TIMM23: variants seen among roughly 807,000 people sequenced by gnomAD.
The protein encoded by TIMM23 is translocase of inner mitochondrial membrane 23.
TIMM23 carries 19 observed loss-of-function variants against 30.7 expected under a neutral mutation model. The ratio of observed to expected loss-of-function variants is 0.62; its 90% CI spans 0.43 to 0.91. The LOEUF (loss-of-function observed/expected upper bound fraction) is 0.91. Ranked by LOEUF, TIMM23 falls within the 40% of genes least tolerant of loss-of-function variation. The pLI is 0.00. For missense variants in TIMM23, 202 were observed against 269.2 expected (o/e 0.75, Z 1.75); for synonymous variants, 78 against 98.5 (o/e 0.79, Z 1.23).
chr10:45,999,831 C>G (rs1238928095), intron 6 of TIMM23, among the ~76,000 whole-genome samples: 1 of 152,056 alleles, frequency 6.6e-6, no homozygotes, highest in Non-Finnish European at 1.5e-5. Flanking sequence ...GTCTACAGAC[C>G]ATAAAAGATG....
intron 1 of TIMM23, among the ~76,000 whole-genome samples, chr10:45,973,362 A>C (rs4962274): frequency 1.3e-5 from 2 of 152,170 alleles, no homozygotes; most frequent in Non-Finnish European, 2.9e-5. Flanking sequence ...GTCTTGTGAA[A>C]ATGTTTTCCA....
chr10:45,993,724 A>T lies in TIMM23; in HGVS notation c.514+4877A>T, dbSNP rs1445493044. Among the ~76,000 whole-genome samples, 970 of 152,196 alleles carry T rather than the reference A, an allele frequency of 6.4e-3. 5 individuals are homozygous for T. The highest frequency in any genetic ancestry group is 0.022 in the African/African-American group (931 of 41,528). ...ATGAAATAATAAAATGAATAATGAA[A>T]TGCCAGGTGAAATGAAATGAAATGA... On this transcript the variant is annotated intron_variant, in intron 6 of 6. Coordinates refer to ENST00000580018, the MANE Select transcript of TIMM23 (RefSeq NM_006327.4).
chr10:46,002,550 C>A, intron 6 of TIMM23: 1 of 963,198 alleles, frequency 1.0e-6, no homozygotes, highest in South Asian at 4.8e-5. Flanking sequence ...TAGGGTGTCA[C>A]CTTGTTTACA....
chr10:45,972,541 A>T lies in TIMM23; in HGVS notation c.-84A>T, dbSNP rs1837520112. 6.6e-6 allele frequency: 10 copies of T among 1,514,902 alleles called. No individual in the cohort carries two copies. Among genetic ancestry groups the T allele is most frequent in the Non-Finnish European group, 8.9e-6 (10 of 1,126,704 alleles). The allele number at this position is 1,514,902 out of a possible 1,614,324, so 93.8% of individuals were successfully genotyped here. On this transcript the variant is annotated 5_prime_UTR_variant, in exon 1 of 7. Transcript: ENST00000580018. ...AAGTAGGCGCTGGCAACGCGGGGTT[A>T]CCCGCTGTTATTGAGGAGTAACGGC...
chr10:45,991,763 GAAAAGAA>G (rs1263462849), intron 6 of TIMM23, among the ~76,000 whole-genome samples: 6 of 150,922 alleles, frequency 4.0e-5, no homozygotes, highest in South Asian at 2.1e-4. Flanking sequence ...AAAAAAAAAA[GAAAAGAA>G]AAAAGAAAAA....
chr10:45,975,571 A>G, intron 2 of TIMM23, 59 bp downstream of exon 2: 2 of 1,606,710 alleles, frequency 1.2e-6, no homozygotes, highest in Non-Finnish European at 1.7e-6. Flanking sequence ...AAAAACGCCA[A>G]GTGCTATGCT....
At chr10:45,992,440 A>G (rs1314699924) in intron 6 of TIMM23, 1 of 455,862 alleles carries the variant, frequency 2.2e-6, no homozygotes, top group Non-Finnish European at 4.4e-6. Flanking sequence ...ACATCTCAAT[A>G]TGCGTAGACT....
At chr10:45,993,239 C>G (rs1554916131) in intron 6 of TIMM23, among the ~76,000 whole-genome samples, 1 of 47,488 alleles carries the variant, frequency 2.1e-5, no homozygotes, top group African/African-American at 9.4e-5. Flanking sequence ...GAGCATCTAC[C>G]ATCACTTTTT....
chr10:45,997,456 G>A (rs1184871733), intron 6 of TIMM23, among the ~76,000 whole-genome samples: 6 of 152,208 alleles, frequency 3.9e-5, no homozygotes, highest in African/African-American at 9.6e-5. Flanking sequence ...GGGATGGGGT[G>A]TAGTTATTGC....
intron 6 of TIMM23, among the ~76,000 whole-genome samples, chr10:45,989,050 A>G (rs1387019667): frequency 2.0e-5 from 3 of 152,344 alleles, no homozygotes; most frequent in African/African-American, 4.8e-5. Context: ...TATACAGTAC[A>G]TTAGTATTAT....
chr10:45,989,409 T>A (rs1838091568), intron 6 of TIMM23, among the ~76,000 whole-genome samples: 2 of 152,350 alleles, frequency 1.3e-5, no homozygotes, highest in African/African-American at 4.8e-5. Flanking sequence ...CTTCTACCTT[T>A]TGGCTATTGT....
chr10:45,988,349 G>C (rs1262646095), intron 5 of TIMM23, among the ~76,000 whole-genome samples: 1 of 152,090 alleles, frequency 6.6e-6, no homozygotes, highest in Non-Finnish European at 1.5e-5. Context: ...CCTGCAATCA[G>C]ACAAGGTAGG....
At chr10:45,989,869 A>G in intron 6 of TIMM23, among the ~76,000 whole-genome samples, 1 of 152,328 alleles carries the variant, frequency 6.6e-6, no homozygotes, top group East Asian at 1.9e-4. Context: ...TGCCTAATTT[A>G]GCTTTTTTAT....
At chr10:45,978,301 C>T (rs1837739337) in intron 2 of TIMM23, among the ~76,000 whole-genome samples, 1 of 152,124 alleles carries the variant, frequency 6.6e-6, no homozygotes, top group South Asian at 2.1e-4. Context: ...TCAGCATAAT[C>T]AAACCACTTA....
At chr10:45,994,254 A>C (rs1330746454) in intron 6 of TIMM23, among the ~76,000 whole-genome samples, 2 of 151,916 alleles carry the variant, frequency 1.3e-5, no homozygotes, top group African/African-American at 4.8e-5. Context: ...GAGGAGAATC[A>C]CTTGAACCCA....
chr10:45,992,288 A>G, intron 6 of TIMM23: 1 of 444,036 alleles, frequency 2.3e-6, no homozygotes, highest in Non-Finnish European at 4.5e-6. Flanking sequence ...GACTCCCCAT[A>G]GTACTGTGTC....
In TIMM23 at chr10:46,003,542, T is replaced by C; in HGVS notation, c.*224T>C. On this transcript the variant is annotated 3_prime_UTR_variant, in exon 7 of 7. Coordinates refer to ENST00000580018, the MANE Select transcript of TIMM23 (RefSeq NM_006327.4). ...TTTGGTGACTCACTGAGTACCATGGTTCTGTTCTCCTCTGGAGATCTTGCA... is the reference window on the plus strand; with the variant it reads ...TTTGGTGACTCACTGAGTACCATGGCTCTGTTCTCCTCTGGAGATCTTGCA... The C allele has an allele frequency of 2.3e-6, 1 of 437,354 alleles. No homozygotes were observed. The highest frequency in any genetic ancestry group is 4.2e-6 in the Non-Finnish European group (1 of 237,916). The allele number at this position is 437,354 out of a possible 1,614,324, so 27.1% of individuals were successfully genotyped here. A position where few individuals can be genotyped will look rare whatever the true frequency, so the allele number is the denominator to read the frequency against.
chr10:45,985,259 A>G, intron 4 of TIMM23, 124 bp from the exon 5 acceptor site: 1 of 817,162 alleles, frequency 1.2e-6, no homozygotes, highest in Non-Finnish European at 2.0e-6. Context: ...ATTAAGATGT[A>G]TTTTAGAATT....
chr10:45,993,910 A>G (rs1246161993), intron 6 of TIMM23, among the ~76,000 whole-genome samples: 1 of 152,172 alleles, frequency 6.6e-6, no homozygotes, highest in Non-Finnish European at 1.5e-5. Context: ...ATGAAATGAA[A>G]TGAAGAAATA....
Sources: gnomAD v4.1 joint callset for allele counts (sites outside exome capture counted in the v4.1 genomes callset) on GRCh38, gnomAD v4.1.1 for gene constraint, MANE v1.5 for transcripts, NCBI Gene and HGNC (gene_info 2026-07-23, HGNC 2026-07-21) for gene names.